Variants in NLRP7 observed in about 807,000 individuals in gnomAD.
NLRP7 encodes NLR family pyrin domain containing 7, also known as NACHT, LRR and PYD domains-containing protein 7.
A neutral mutation model predicts 85.5 loss-of-function variants in NLRP7; 72 were observed. The ratio of observed to expected loss-of-function variants is 0.84; its 90% confidence interval spans 0.70 to 1.02. The LOEUF is 1.02. Ranked by LOEUF, NLRP7 falls within the 50% of genes least tolerant of loss-of-function variation. The probability of loss-of-function intolerance (pLI) is 0.00; values close to 1 mark genes in which losing one functional copy is unlikely to be tolerated. For missense variants in NLRP7, 1,243 were observed against 1,219.5 expected, an observed-to-expected ratio of 1.02 and a Z score of -0.29; for synonymous variants, 550 against 505.2, an observed-to-expected ratio of 1.09 and a Z score of -1.19.
At chr19:54,935,684 CTG>C (rs919224069) in intron 6 of NLRP7, among the ~76,000 whole-genome samples, 2 of 136,726 alleles carry the variant, frequency 1.5e-5, no homozygotes, top group African/African-American at 6.1e-5. Flanking sequence ...AAGAATAAAA[CTG>C]TCTCAAAGAA....
intron 1 of NLRP7, among the ~76,000 whole-genome samples, chr19:54,964,455 A>C (rs866674808): frequency 6.6e-6 from 1 of 150,984 alleles, no homozygotes; most frequent in African/African-American, 2.4e-5. Context: ...TGACCTCGTG[A>C]TCCACCTGCC....
chr19:54,959,255 C>A (rs1269372662), intron 1 of NLRP7, among the ~76,000 whole-genome samples: 1 of 150,586 alleles, frequency 6.6e-6, no homozygotes, highest in Admixed American at 6.6e-5. Flanking sequence ...TCTGCTGCCT[C>A]ATCCTTCCGA....
intron 6 of NLRP7, 148 bp downstream of exon 6, chr19:54,936,113 G>A (rs1335387399): frequency 1.4e-6 from 1 of 720,768 alleles, no homozygotes; most frequent in Non-Finnish European, 2.5e-6. Context: ...GGAAAGAGGA[G>A]AGGCCGACTC....
Position 54,940,216 on chromosome 19 carries a change from G to A in NLRP7, c.603C>T (p.Ser201=), listed in dbSNP as rs7256285. ...GGTAGAACGCGTATCTGAGCGTCGG[G>A]CTGAGGTTGCAGTCTGTCCAGTCCA... The change falls in exon 4 of 10, where the codon AGC becomes AGT. Residue 201 remains serine, a synonymous_variant. Coordinates refer to ENST00000340844, the Ensembl canonical transcript of NLRP7. 2.5e-3 allele frequency: 4,011 copies of A among 1,614,202 alleles called. 95 individuals carry two copies. In the African/African-American group the frequency reaches 0.049, roughly 20 times the overall value.
chr19:54,936,479 T>A, intron 5 of NLRP7, 48 bp from the exon 6 acceptor site: 1 of 1,457,024 alleles, frequency 6.9e-7, no homozygotes, highest in Non-Finnish European at 9.6e-7. Flanking sequence ...AATACTCACA[T>A]TGTGTGGAGG....
intron 5 of NLRP7, among the ~76,000 whole-genome samples, chr19:54,937,380 A>G (rs1413757675): frequency 6.6e-6 from 1 of 151,456 alleles, no homozygotes; most frequent in African/African-American, 2.4e-5. Context: ...TTGTTTTGGT[A>G]ACAAAACAAA....
chr19:54,965,323 C>A (rs1192878412), intron 1 of NLRP7: 1 of 104,202 alleles, frequency 9.6e-6, no homozygotes, highest in East Asian at 2.7e-4. Flanking sequence ...CTTAATAGAG[C>A]TTTCTCAACC....
chr19:54,933,685 C>A (rs771685682), exon 8 of NLRP7: 14 of 1,613,976 alleles, frequency 8.7e-6, no homozygotes, highest in Middle Eastern at 1.6e-4. Flanking sequence ...TGCTGACAAC[C>A]AAGACAGCAG....
exon 4 of NLRP7, chr19:54,939,559 C>T (rs375850707): frequency 6.2e-7 from 1 of 1,612,572 alleles, no homozygotes; most frequent in East Asian, 2.2e-5. Flanking sequence ...ACAGGCCCTG[C>T]GCGGCCAGGA....
upstream of NLRP7, among the ~76,000 whole-genome samples, chr19:54,949,776 C>G (rs2069611755): frequency 1.3e-5 from 2 of 152,024 alleles, no homozygotes; most frequent in South Asian, 4.2e-4. Flanking sequence ...TCAGCATTGC[C>G]CACCTAAGGA....
At chr19:54,932,419 C>T (rs2068716610) in intron 8 of NLRP7, among the ~76,000 whole-genome samples, 1 of 137,126 alleles carries the variant, frequency 7.3e-6, no homozygotes, top group African/African-American at 2.8e-5. Context: ...CAGAGTGAGA[C>T]TTCATCCAAA....
chr19:54,952,683 A>G (rs921231193), intron 1 of NLRP7, among the ~76,000 whole-genome samples: 12 of 151,950 alleles, frequency 7.9e-5, no homozygotes, highest in Non-Finnish European at 1.3e-4. Flanking sequence ...CTGTGATTAA[A>G]CTTCCTTCTC....
rs761411797 is a variant in NLRP7 at position 54,933,554 on chromosome 19, C to A, written c.2642+15G>T. 2.5e-6 allele frequency: 4 copies of A among 1,613,546 alleles called. No individual in the cohort carries two copies. Among genetic ancestry groups the A allele is most frequent in the Admixed American group, 3.3e-5 (2 of 59,956 alleles). ...AATTCATGTGCACACACACACACAC[C>A]CAGCAGGGACTTACACCAAGGTCTG... On this transcript the variant is annotated intron_variant, in intron 8 of 9. Transcript: ENST00000340844.
intron 9 of NLRP7, 148 bp from the exon 10 acceptor site, chr19:54,927,923 C>T: frequency 1.4e-6 from 1 of 740,508 alleles, no homozygotes; most frequent in South Asian, 1.5e-5. Flanking sequence ...CAAACCCCAT[C>T]TCTACTAAAA....
At chr19:54,960,978 G>T (rs893624350) in intron 1 of NLRP7, among the ~76,000 whole-genome samples, 1 of 151,938 alleles carries the variant, frequency 6.6e-6, no homozygotes, top group East Asian at 1.9e-4. Context: ...AAATAACAAA[G>T]GGCATTTTTA....
chr19:54,959,141 CTTT>C (rs74177888), intron 1 of NLRP7, among the ~76,000 whole-genome samples: 4 of 134,652 alleles, frequency 3.0e-5, no homozygotes, highest in Non-Finnish European at 3.2e-5. Context: ...TTTTCTTTTT[CTTT>C]TTTTTTTTTT....
chr19:54,933,185 G>C (rs777648531), intron 8 of NLRP7, among the ~76,000 whole-genome samples: 1 of 151,810 alleles, frequency 6.6e-6, no homozygotes, highest in Admixed American at 6.6e-5. Flanking sequence ...TTGTTCTGTC[G>C]CCCAGGCTGG....
In NLRP7 at chr19:54,939,555, C is replaced by A. The variant is rs867444916; in HGVS notation, c.1264G>T (p.Gly422Cys). ...AACACGGACATCTGCGCCCACAGGC[C>A]CTGCGCGGCCAGGAGGCTCAGCGTC... Residue 422 changes from glycine (G) to cysteine (C), a missense_variant, in exon 4 of 10, where the codon GGC (glycine) becomes TGC (cysteine). Physicochemically the swap from Gly to Cys is radical, Grantham distance 159. Coordinates refer to ENST00000340844, the Ensembl canonical transcript of NLRP7. 3 of 1,612,764 alleles carry A rather than the reference C, an allele frequency of 1.9e-6. No individual in the cohort carries two copies. The highest frequency in any genetic ancestry group is 1.3e-5 in the African/African-American group (1 of 75,004).
chr19:54,943,548 C>G (rs547134633), intron 1 of NLRP7, among the ~76,000 whole-genome samples: 2 of 131,544 alleles, frequency 1.5e-5, no homozygotes, highest in Non-Finnish European at 3.2e-5. Flanking sequence ...TTGCAGTGAG[C>G]GGAGATCGCG....
Sources: allele counts gnomAD v4.1 joint callset (sites outside exome capture counted in the v4.1 genomes callset), GRCh38; gene constraint gnomAD v4.1.1; transcripts MANE v1.5; gene names NCBI Gene and HGNC (gene_info 2026-07-23, HGNC 2026-07-21).